The following ICA1 variants were observed in gnomAD, a reference collection of about 807,000 sequenced individuals.
The protein encoded by ICA1 is 69 kDa islet cell autoantigen.
A neutral mutation model predicts 71.0 loss-of-function variants in ICA1; 40 were observed. The ratio of observed to expected loss-of-function variants is 0.56; its 90% confidence interval spans 0.44 to 0.73. The LOEUF (loss-of-function observed/expected upper bound fraction) is 0.73. Ranked by LOEUF, ICA1 falls within the 30% of genes least tolerant of loss-of-function variation. The pLI is 0.00. For missense variants in ICA1, 578 were observed against 576.5 expected (o/e 1.00, Z -0.03); for synonymous variants, 207 against 209.5 (o/e 0.99, Z 0.10).
chr7:8,254,913 G>T (rs1809529289), intron 1 of ICA1, among the ~76,000 whole-genome samples: 1 of 152,154 alleles, frequency 6.6e-6, no homozygotes, highest in Non-Finnish European at 1.5e-5. Flanking sequence ...GCAGGGTGGT[G>T]ACAGGCAGTC....
chr7:8,220,187 G>A (rs1484677241), intron 5 of ICA1, among the ~76,000 whole-genome samples: 3 of 152,172 alleles, frequency 2.0e-5, no homozygotes, highest in Admixed American at 6.5e-5. Flanking sequence ...TGGGAAATGT[G>A]TGGAGAACTA....
intron 6 of ICA1, among the ~76,000 whole-genome samples, chr7:8,164,324 A>G (rs1029300158): frequency 5.3e-5 from 8 of 150,126 alleles, no homozygotes; most frequent in Admixed American, 6.7e-5. Context: ...AAAAAAAAAA[A>G]AAAAAGAATA....
chr7:8,117,144 G>A (rs1296865948), intron 13 of ICA1, among the ~76,000 whole-genome samples: 2 of 152,182 alleles, frequency 1.3e-5, no homozygotes, highest in African/African-American at 4.8e-5. Flanking sequence ...AACATACTTT[G>A]CTTCCCCTTC....
intron 1 of ICA1, among the ~76,000 whole-genome samples, chr7:8,241,558 C>T (rs1015611053): frequency 7.3e-6 from 1 of 136,868 alleles, no homozygotes; most frequent in African/African-American, 3.1e-5. Flanking sequence ...TAAATTCACA[C>T]ATAACAATAT....
At chr7:8,213,115 C>G (rs980038892) in intron 6 of ICA1, among the ~76,000 whole-genome samples, 1 of 152,144 alleles carries the variant, frequency 6.6e-6, no homozygotes, top group Non-Finnish European at 1.5e-5. Flanking sequence ...CAACCAAACC[C>G]AAACAACAGG....
intron 1 of ICA1, among the ~76,000 whole-genome samples, chr7:8,251,939 ATGG>A (rs914460736): frequency 1.3e-5 from 2 of 152,160 alleles, no homozygotes; most frequent in African/African-American, 4.8e-5. Context: ...AGGATGATCG[ATGG>A]TGAATTTTGT....
intron 6 of ICA1, among the ~76,000 whole-genome samples, chr7:8,175,794 C>G (rs1005108744): frequency 1.3e-5 from 2 of 152,126 alleles, no homozygotes; most frequent in African/African-American, 4.8e-5. Context: ...AGGAATATAT[C>G]AAATGTTGTA....
Position 8,240,756 on chromosome 7 carries a change from C to T in ICA1, c.-79-4751G>A, listed in dbSNP as rs190773102. 7.9e-5 allele frequency among the ~76,000 whole-genome samples: 12 copies of T among 152,166 alleles called. No individual in the cohort carries two copies. The East Asian group carries it at 9.7e-4, about 12-fold the overall frequency. On this transcript the variant is annotated intron_variant, in intron 1 of 13. Coordinates refer to ENST00000402384, the MANE Select transcript of ICA1 (RefSeq NM_001136020.3). ...GCTGAAAACCATGGCAGGAGAACTA[C>T]GTGACGCATTTACAAGCTTCAACAG...
chr7:8,120,106 G>A (rs1584162031), intron 13 of ICA1, among the ~76,000 whole-genome samples: 1 of 152,246 alleles, frequency 6.6e-6, no homozygotes, highest in African/African-American at 2.4e-5. Flanking sequence ...CCCCTCTTTG[G>A]GAGCTAAGAT....
At chr7:8,143,673 G>T (rs775691931) in intron 9 of ICA1, among the ~76,000 whole-genome samples, 1 of 152,162 alleles carries the variant, frequency 6.6e-6, no homozygotes, top group Non-Finnish European at 1.5e-5. Flanking sequence ...CCTGGAAACC[G>T]ATCTCTTACT....
At chr7:8,139,203 C>T (rs1270314967) in intron 10 of ICA1, among the ~76,000 whole-genome samples, 156 bp from the exon 11 acceptor site, 1 of 152,200 alleles carries the variant, frequency 6.6e-6, no homozygotes, top group Non-Finnish European at 1.5e-5. Context: ...TGGACTCCTG[C>T]TATCAGCTCT....
At chr7:8,200,087 T>C (rs1032220278) in intron 6 of ICA1, among the ~76,000 whole-genome samples, 2 of 152,098 alleles carry the variant, frequency 1.3e-5, no homozygotes, top group African/African-American at 4.8e-5. Flanking sequence ...ACACAAAAGA[T>C]AAATGCTTGA....
chr7:8,163,011 G>T (rs148744589), intron 6 of ICA1, among the ~76,000 whole-genome samples: 1 of 152,088 alleles, frequency 6.6e-6, no homozygotes, highest in Non-Finnish European at 1.5e-5. Flanking sequence ...AAATCCGCCC[G>T]CCTTGGCCTC....
intron 4 of ICA1, among the ~76,000 whole-genome samples, chr7:8,225,185 T>C (rs1380723412): frequency 6.6e-6 from 1 of 152,210 alleles, no homozygotes; most frequent in Non-Finnish European, 1.5e-5. Context: ...CAATTCTCAC[T>C]GTGGTGTTTG....
At chr7:8,237,218 G>C (rs928084850) in intron 1 of ICA1, among the ~76,000 whole-genome samples, 1 of 152,112 alleles carries the variant, frequency 6.6e-6, no homozygotes, top group Admixed American at 6.5e-5. Context: ...GGGTAAGTAA[G>C]TAAGCTCTGC....
At chr7:8,236,233 G>C (rs942420836) in intron 1 of ICA1, among the ~76,000 whole-genome samples, 17 of 152,176 alleles carry the variant, frequency 1.1e-4, no homozygotes, top group Non-Finnish European at 1.9e-4. Flanking sequence ...GAATGAAAAA[G>C]CAGGTTGCAG....
intron 6 of ICA1, among the ~76,000 whole-genome samples, chr7:8,218,012 T>C (rs909015224): frequency 3.3e-5 from 5 of 152,242 alleles, no homozygotes; most frequent in African/African-American, 9.6e-5. Flanking sequence ...TAGTTATGCA[T>C]GAAAAGGCAT....
intron 6 of ICA1, among the ~76,000 whole-genome samples, chr7:8,163,921 TTTAAGCA>T (rs1354526761): frequency 6.6e-6 from 1 of 152,086 alleles, no homozygotes; most frequent in Non-Finnish European, 1.5e-5. Flanking sequence ...ACTGGAGGCT[TTTAAGCA>T]AGGAAGAGAG....
intron 6 of ICA1, among the ~76,000 whole-genome samples, chr7:8,163,004 T>C (rs529530358): frequency 5.3e-5 from 8 of 152,248 alleles, no homozygotes; most frequent in African/African-American, 1.9e-4. Flanking sequence ...CCTCAGAAAA[T>C]CCGCCCGCCT....
Sources: allele counts gnomAD v4.1 joint callset (sites outside exome capture counted in the v4.1 genomes callset), GRCh38; gene constraint gnomAD v4.1.1; transcripts MANE v1.5; gene names NCBI Gene and HGNC (gene_info 2026-07-23, HGNC 2026-07-21).